Variants in LOC128092253 observed in about 807,000 individuals in gnomAD.
the LOC128092253 span, among the ~76,000 whole-genome samples, chr6:133,956,904 G>A: frequency 6.6e-6 from 1 of 152,166 alleles, no homozygotes; most frequent in Non-Finnish European, 1.5e-5. Context: ...GACTGTATAC[G>A]TATCTGAGGT....
chr6:133,958,568 G>A, the LOC128092253 span, among the ~76,000 whole-genome samples: 1 of 152,170 alleles, frequency 6.6e-6, no homozygotes, highest in African/African-American at 2.4e-5. Flanking sequence ...TGTTTAGGCT[G>A]CTGCTGAAAT....
chr6:133,972,053 A>T, the LOC128092253 span, among the ~76,000 whole-genome samples: 1 of 152,322 alleles, frequency 6.6e-6, no homozygotes, highest in African/African-American at 2.4e-5. Context: ...CTTAGAATAG[A>T]TTATCCAAAT....
At chr6:133,963,124 A>T in the LOC128092253 span, among the ~76,000 whole-genome samples, 82 of 152,322 alleles carry the variant, frequency 5.4e-4, no homozygotes, top group Middle Eastern at 6.8e-3. Context: ...GCTGGTTTAA[A>T]AGCATGAAGT....
the LOC128092253 span, among the ~76,000 whole-genome samples, chr6:133,977,361 G>T: frequency 6.6e-6 from 1 of 152,094 alleles, no homozygotes; most frequent in Non-Finnish European, 1.5e-5. Flanking sequence ...CTGAAATGAT[G>T]AAAAATCACC....
At chr6:133,978,632 G>T in the LOC128092253 span, among the ~76,000 whole-genome samples, 1 of 152,302 alleles carries the variant, frequency 6.6e-6, no homozygotes, top group East Asian at 1.9e-4. Context: ...TACACAGATT[G>T]AGGGGAATAT....
chr6:133,955,415 G>C, the LOC128092253 span, among the ~76,000 whole-genome samples: 1 of 151,810 alleles, frequency 6.6e-6, no homozygotes, highest in Non-Finnish European at 1.5e-5. Flanking sequence ...TTTTTATGCT[G>C]TATCATTTCC....
At chr6:133,954,383 G>A in the LOC128092253 span, among the ~76,000 whole-genome samples, 2 of 152,144 alleles carry the variant, frequency 1.3e-5, no homozygotes, top group African/African-American at 4.8e-5. Context: ...GACATAAGAA[G>A]GTTCAGCCAT....
At chr6:133,980,047 TAA>T in the LOC128092253 span, 1 of 1,343,650 alleles carries the variant, frequency 7.4e-7, no homozygotes. Context: ...TAACAACATT[TAA>T]GTTTAATGAC....
At chr6:133,959,043 A>T in the LOC128092253 span, among the ~76,000 whole-genome samples, 9 of 149,796 alleles carry the variant, frequency 6.0e-5, no homozygotes, top group African/African-American at 9.8e-5. Flanking sequence ...GTGCTGGGAA[A>T]TTTTTTTTTT....
the LOC128092253 span, among the ~76,000 whole-genome samples, chr6:133,959,830 G>A: frequency 2.2e-4 from 34 of 152,316 alleles, no homozygotes; most frequent in Admixed American, 1.5e-3. Context: ...AGATGTTGCT[G>A]TCTTTCAGAT....
At chr6:133,958,426 T>A in the LOC128092253 span, among the ~76,000 whole-genome samples, 765 of 152,342 alleles carry the variant, frequency 5.0e-3, 7 homozygotes, top group African/African-American at 0.018. Context: ...TAGCTAAAAT[T>A]GCTGCTCTGC....
chr6:133,956,561 GCCAT>G, the LOC128092253 span, among the ~76,000 whole-genome samples: 28 of 147,644 alleles, frequency 1.9e-4, no homozygotes, highest in African/African-American at 7.1e-4. Flanking sequence ...AGTATGAGTA[GCCAT>G]CATCATATTG....
At chr6:133,969,581 T>C in the LOC128092253 span, among the ~76,000 whole-genome samples, 1 of 152,200 alleles carries the variant, frequency 6.6e-6, no homozygotes, top group Non-Finnish European at 1.5e-5. Context: ...TGGTAAAATA[T>C]ACAGTCTTTT....
chr6:133,975,976 T>C, the LOC128092253 span, among the ~76,000 whole-genome samples: 1 of 152,224 alleles, frequency 6.6e-6, no homozygotes, highest in South Asian at 2.1e-4. Context: ...TAAATGTCAC[T>C]TTCAAATGCT....
At chr6:133,968,269 A>G in the LOC128092253 span, among the ~76,000 whole-genome samples, 14 of 152,212 alleles carry the variant, frequency 9.2e-5, no homozygotes, top group African/African-American at 3.4e-4. Flanking sequence ...TTATATAATC[A>G]GAAAATGACA....
At chr6:133,979,041 CTTGT>C in the LOC128092253 span, among the ~76,000 whole-genome samples, 8 of 152,088 alleles carry the variant, frequency 5.3e-5, no homozygotes, top group East Asian at 9.7e-4. Context: ...AAAACTGGGG[CTTGT>C]TTGTTTGTAT....
At chr6:133,955,813 A>G in the LOC128092253 span, among the ~76,000 whole-genome samples, 15 of 152,358 alleles carry the variant, frequency 9.8e-5, no homozygotes, top group Admixed American at 6.5e-4. Context: ...CTTAAAATCA[A>G]TCTTGACTGA....
the LOC128092253 span, among the ~76,000 whole-genome samples, chr6:133,972,052 G>A: frequency 6.6e-6 from 1 of 152,124 alleles, no homozygotes; most frequent in African/African-American, 2.4e-5. Flanking sequence ...TCTTAGAATA[G>A]ATTATCCAAA....
At chr6:133,961,469 T>C in the LOC128092253 span, among the ~76,000 whole-genome samples, 19 of 144,792 alleles carry the variant, frequency 1.3e-4, no homozygotes, top group East Asian at 9.8e-4. Context: ...TTCTTTCTTT[T>C]TTTTTTTTTT....
Sources: allele counts gnomAD v4.1 joint callset (sites outside exome capture counted in the v4.1 genomes callset), GRCh38; gene constraint gnomAD v4.1.1; transcripts MANE v1.5.